Variants in BLVRA observed in about 807,000 individuals in gnomAD.
BLVRA encodes the protein biliverdin reductase A.
BLVRA carries 22 observed loss-of-function variants against 32.8 expected under a neutral mutation model. The ratio of observed to expected loss-of-function variants is 0.67; its 90% CI spans 0.48 to 0.96. BLVRA has a LOEUF of 0.96. Ranked by LOEUF, BLVRA falls within the 40% of genes least tolerant of loss-of-function variation. The pLI, the probability that BLVRA is intolerant of heterozygous loss-of-function variation, is 0.00. For missense variants in BLVRA, 323 were observed against 358.1 expected, an observed-to-expected ratio of 0.90 and a Z score of 0.79; for synonymous variants, 119 against 141.3, an observed-to-expected ratio of 0.84 and a Z score of 1.12.
chr7:43,797,285 G>A (rs560494172), intron 5 of BLVRA, among the ~76,000 whole-genome samples: 57 of 152,246 alleles, frequency 3.7e-4, no homozygotes, highest in Non-Finnish European at 5.7e-4. Flanking sequence ...ATGGGGTTTC[G>A]CCATGTTGGC....
At chr7:43,767,191 C>T in intron 1 of BLVRA, 1 of 593,238 alleles carries the variant, frequency 1.7e-6, no homozygotes, top group South Asian at 2.0e-5. Context: ...AAGTAATGTT[C>T]TGTAGGCCAC....
At chr7:43,783,957 CA>C (rs905632712) in intron 2 of BLVRA, among the ~76,000 whole-genome samples, 4 of 151,932 alleles carry the variant, frequency 2.6e-5, no homozygotes, top group Non-Finnish European at 4.4e-5. Context: ...CTCTTTATCT[CA>C]AAAAAAATTT....
chr7:43,803,869 G>A, intron 7 of BLVRA, 22 bp downstream of exon 7: 2 of 1,613,022 alleles, frequency 1.2e-6, no homozygotes, highest in South Asian at 1.1e-5. Context: ...GAAGCCATGA[G>A]GAGGAGGAAA....
chr7:43,792,763 A>G lies in BLVRA; in HGVS notation c.303A>G (p.Thr101=), dbSNP rs773529436. ...GKHVLVEYPM[T]LSLAAAQELW... ...ACGTCCTTGTGGAATACCCCATGAC[A>G]CTGTCATTGGCGGCCGCTCAGGAAC... is the stretch of plus-strand genomic sequence containing the variant. Residue 101 remains threonine (T), a synonymous_variant, in exon 5 of 8, where the codon ACA becomes ACG. Transcript: ENST00000265523. 5.6e-6 allele frequency: 9 copies of G among 1,614,082 alleles called. No homozygotes were observed. The highest frequency in any genetic ancestry group is 1.6e-4 in the Middle Eastern group (1 of 6,080).
At chr7:43,796,140 AAAG>A (rs1207034918) in intron 5 of BLVRA, among the ~76,000 whole-genome samples, 1 of 151,498 alleles carries the variant, frequency 6.6e-6, no homozygotes, top group Non-Finnish European at 1.5e-5. Context: ...AAAAAAAAGA[AAAG>A]AAAAGAAAAG....
chr7:43,774,001 G>A (rs1313387779), intron 2 of BLVRA, among the ~76,000 whole-genome samples: 1 of 152,016 alleles, frequency 6.6e-6, no homozygotes, highest in African/African-American at 2.4e-5. Flanking sequence ...TTTTTTTCTT[G>A]TAAATTTGTT....
intron 2 of BLVRA, among the ~76,000 whole-genome samples, chr7:43,778,888 C>G (rs1408306363): frequency 1.3e-5 from 2 of 152,254 alleles, no homozygotes; most frequent in Non-Finnish European, 2.9e-5. Flanking sequence ...CTTGCTGCCA[C>G]CTTGCAGTTT....
chr7:43,780,252 T>G (rs1203816279), intron 2 of BLVRA, among the ~76,000 whole-genome samples: 1 of 152,096 alleles, frequency 6.6e-6, no homozygotes, highest in African/African-American at 2.4e-5. Flanking sequence ...CTGCCCCAAA[T>G]CTGCTCCTCC....
intron 1 of BLVRA, among the ~76,000 whole-genome samples, chr7:43,770,879 C>T (rs994057561): frequency 1.3e-5 from 2 of 152,304 alleles, no homozygotes; most frequent in South Asian, 2.1e-4. Flanking sequence ...ATGTAGGAGA[C>T]GGATCTGGGC....
At chr7:43,777,895 A>G (rs1004613751) in intron 2 of BLVRA, among the ~76,000 whole-genome samples, 2 of 152,036 alleles carry the variant, frequency 1.3e-5, no homozygotes, top group African/African-American at 2.4e-5. Context: ...CATTCATTTC[A>G]TCTTCCGTCA....
intron 2 of BLVRA, among the ~76,000 whole-genome samples, chr7:43,785,495 T>C (rs1239793165): frequency 1.3e-5 from 2 of 152,146 alleles, no homozygotes; most frequent in African/African-American, 2.4e-5. Context: ...TCCCCTTTTA[T>C]ATGTGAAGTC....
intron 2 of BLVRA, among the ~76,000 whole-genome samples, chr7:43,781,049 A>G (rs1365465642): frequency 6.6e-6 from 1 of 152,168 alleles, no homozygotes; most frequent in Non-Finnish European, 1.5e-5. Flanking sequence ...AGGCTGAGGC[A>G]GGAGAATCAC....
intron 6 of BLVRA, among the ~76,000 whole-genome samples, chr7:43,803,466 A>G (rs2095800902): frequency 6.6e-6 from 1 of 152,210 alleles, no homozygotes; most frequent in Non-Finnish European, 1.5e-5. Flanking sequence ...GAAAAGACAG[A>G]GATGCTTTTA....
At chr7:43,774,940 T>C (rs2095759003) in intron 2 of BLVRA, among the ~76,000 whole-genome samples, 2 of 152,226 alleles carry the variant, frequency 1.3e-5, no homozygotes, top group South Asian at 4.1e-4. Context: ...ACTCTCTGTT[T>C]GTCTGTTATT....
At position 43,791,228 on chromosome 7, in the gene BLVRA, TTC is replaced by T; in HGVS notation, c.135-17_135-16del. The T allele has an allele frequency of 1.9e-6, 3 of 1,613,912 alleles. No individual in the cohort carries two copies. Among genetic ancestry groups the T allele is most frequent in the Non-Finnish European group, 2.5e-6 (3 of 1,179,954 alleles). ...TCTTCTGTCTACCATTGAGTTCCATTTCTCTGTTACTCTGAAATAGAAGGGAG... is the reference window on the plus strand; with the variant it reads ...TCTTCTGTCTACCATTGAGTTCCATTTCTGTTACTCTGAAATAGAAGGGAG... On this transcript the variant is annotated intron_variant, in intron 3 of 7. Transcript: ENST00000265523.
intron 1 of BLVRA, among the ~76,000 whole-genome samples, chr7:43,770,165 T>G (rs849184): frequency 0.71 from 107,211 of 152,028 alleles, 37,934 homozygotes; most frequent in Middle Eastern, 0.73. Flanking sequence ...GTGGTCATCG[T>G]CATCGGCTTC....
chr7:43,806,138 C>G (rs2132601146), intron 7 of BLVRA, among the ~76,000 whole-genome samples: 1 of 152,196 alleles, frequency 6.6e-6, no homozygotes, highest in African/African-American at 2.4e-5. Flanking sequence ...CATGGTGAAA[C>G]CTTGTCTCTA....
intron 2 of BLVRA, among the ~76,000 whole-genome samples, chr7:43,777,885 C>T (rs1361961868): frequency 6.6e-6 from 1 of 152,218 alleles, no homozygotes; most frequent in Non-Finnish European, 1.5e-5. Flanking sequence ...CGCTTCATTT[C>T]ATTCATTTCA....
intron 2 of BLVRA, among the ~76,000 whole-genome samples, chr7:43,774,576 G>A (rs1017978053): frequency 1.1e-4 from 16 of 152,228 alleles, no homozygotes; most frequent in African/African-American, 3.9e-4. Flanking sequence ...GTAGTGTGAT[G>A]CCTCCGGCTT....
Sources: gnomAD v4.1 joint callset for allele counts (sites outside exome capture counted in the v4.1 genomes callset) on GRCh38, gnomAD v4.1.1 for gene constraint, MANE v1.5 for transcripts, NCBI Gene and HGNC (gene_info 2026-07-23, HGNC 2026-07-21) for gene names.